Variants in PCNX1 observed in about 807,000 individuals in gnomAD.
PCNX1 encodes the protein pecanex 1.
PCNX1 carries 78 observed loss-of-function variants against 242.2 expected under a neutral mutation model. That is an observed-to-expected ratio of 0.32 (90% CI 0.27 to 0.39). The LOEUF is 0.39. PCNX1 is among the 10% of genes least tolerant of loss of function. PCNX1 has a pLI of 1.00. For synonymous variants in PCNX1, 1,024 were observed against 1,032.9 expected, an observed-to-expected ratio of 0.99 and a Z score of 0.17; for missense variants, 2,581 against 2,856.5, an observed-to-expected ratio of 0.90 and a Z score of 2.20.
chr14:71,031,679 G>A (rs558717640), intron 16 of PCNX1: 25 of 747,252 alleles, frequency 3.3e-5, no homozygotes, highest in Admixed American at 1.9e-5. Flanking sequence ...TCCTGCTCAC[G>A]TCTGTACATG....
intron 13 of PCNX1, among the ~76,000 whole-genome samples, chr14:71,025,848 G>A (rs1409570573): frequency 2.0e-5 from 3 of 152,086 alleles, no homozygotes; most frequent in African/African-American, 2.4e-5. Flanking sequence ...CAGTCTGGGC[G>A]ACAGAGTGAG....
At chr14:71,107,171 A>C (rs997580784) in intron 33 of PCNX1, among the ~76,000 whole-genome samples, 3 of 152,022 alleles carry the variant, frequency 2.0e-5, no homozygotes, top group Admixed American at 1.3e-4. Context: ...CCTCTCCCCA[A>C]CTGCCCCCCT....
chr14:71,070,981 A>G (rs2061572957), intron 26 of PCNX1, among the ~76,000 whole-genome samples: 1 of 152,182 alleles, frequency 6.6e-6, no homozygotes, highest in African/African-American at 2.4e-5. Flanking sequence ...TCTTAGCTAG[A>G]TCTTCTGGAT....
chr14:71,106,082 C>T (rs764821377), intron 33 of PCNX1, among the ~76,000 whole-genome samples: 1 of 151,872 alleles, frequency 6.6e-6, no homozygotes, highest in African/African-American at 2.4e-5. Context: ...GGTGCCATCT[C>T]GGCTCACTGC....
chr14:71,106,806 T>A (rs1279161924), intron 33 of PCNX1, among the ~76,000 whole-genome samples: 1 of 152,216 alleles, frequency 6.6e-6, no homozygotes, highest in African/African-American at 2.4e-5. Context: ...TATCTTTTTC[T>A]TACTGATTTG....
intron 1 of PCNX1, among the ~76,000 whole-genome samples, chr14:70,910,953 G>A (rs1049153505): frequency 6.6e-6 from 1 of 152,162 alleles, no homozygotes; most frequent in Non-Finnish European, 1.5e-5. Context: ...ATAGTCAGGG[G>A]ATGAACCCTA....
In PCNX1 at chr14:71,112,292, G is replaced by A. The variant is rs970074195; in HGVS notation, c.*2357G>A. Reference sequence around the variant, plus strand: ...CTGAAAAGTCAGATTTCAAATGCAAGACTAGACTTTATATGGAACATATAT... The same window carrying A: ...CTGAAAAGTCAGATTTCAAATGCAAAACTAGACTTTATATGGAACATATAT... On this transcript the variant is annotated 3_prime_UTR_variant, in exon 36 of 36. Coordinates refer to ENST00000304743, the MANE Select transcript of PCNX1 (RefSeq NM_014982.3). The A allele has an allele frequency of 1.3e-5, 2 of 151,984 alleles. No individual in the cohort carries two copies. The highest frequency in any genetic ancestry group is 2.9e-5 in the Non-Finnish European group (2 of 67,920). 9.4% of individuals were successfully genotyped at this position (151,984 alleles called of 1,614,324 possible).
Position 71,098,509 on chromosome 14 carries a change from CGTGTGTGTGT to C in PCNX1, c.5590-3445_5590-3436del, listed in dbSNP as rs3221474. Among the ~76,000 whole-genome samples the C allele has an allele frequency of 6.6e-4, 85 of 128,684 alleles. 1 individual carries two copies. The highest frequency in any genetic ancestry group is 1.6e-3 in the South Asian group (6 of 3,646). 84.4% of individuals were successfully genotyped at this position (128,684 alleles called of 152,430 possible). On this transcript the variant is annotated intron_variant, in intron 30 of 35. Transcript: ENST00000304743. ...TTTGGCCTCCTTGGTTAGATGTATT[CGTGTGTGTGT>C]GTGTGTGTGTGTGTGTGTGTGTGTG...
At chr14:71,049,084 T>C (rs1368544035) in intron 22 of PCNX1, 7 of 909,804 alleles carry the variant, frequency 7.7e-6, no homozygotes, top group Non-Finnish European at 9.2e-6. Flanking sequence ...AATATTTAGA[T>C]TGAAAATTGT....
chr14:71,070,174 C>T (rs975468149), intron 26 of PCNX1, among the ~76,000 whole-genome samples: 2 of 152,206 alleles, frequency 1.3e-5, no homozygotes, highest in Non-Finnish European at 2.9e-5. Context: ...AGCAATTCTG[C>T]CACATCCTTC....
chr14:71,109,262 A>G (rs921353329), intron 34 of PCNX1, among the ~76,000 whole-genome samples, 190 bp from the exon 35 acceptor site: 2 of 152,206 alleles, frequency 1.3e-5, no homozygotes, highest in African/African-American at 4.8e-5. Flanking sequence ...CCACTGTCTC[A>G]TGGACATTGC....
At chr14:71,011,578 A>T in intron 10 of PCNX1, 29 bp downstream of exon 10, 1 of 1,242,734 alleles carries the variant, frequency 8.0e-7, no homozygotes, top group Non-Finnish European at 1.2e-6. Flanking sequence ...TTACAACATG[A>T]TAAATTTTCA....
chr14:71,013,314 T>C, intron 11 of PCNX1, 112 bp downstream of exon 11: 1 of 866,774 alleles, frequency 1.2e-6, no homozygotes, highest in Non-Finnish European at 2.0e-6. Context: ...AAATGTTTTC[T>C]GGTTTTGTCC....
chr14:71,099,882 A>G (rs1010523533), intron 30 of PCNX1, among the ~76,000 whole-genome samples: 3 of 152,192 alleles, frequency 2.0e-5, no homozygotes, highest in Admixed American at 6.5e-5. Context: ...TGATATAGGA[A>G]TAGTGACCCC....
intron 30 of PCNX1, among the ~76,000 whole-genome samples, chr14:71,101,061 C>G (rs1476993564): frequency 2.6e-5 from 4 of 152,148 alleles, no homozygotes; most frequent in Non-Finnish European, 5.9e-5. Flanking sequence ...TCTCAACCCC[C>G]CAGCTAACAG....
rs375121531 is a variant in PCNX1 at position 70,925,945 on chromosome 14, C to T, written c.153+17942C>T. Among the ~76,000 whole-genome samples, 7 of 152,014 alleles carry T rather than the reference C, an allele frequency of 4.6e-5. No homozygotes were observed. The East Asian group carries it at 7.8e-4, about 17-fold the overall frequency. On this transcript the variant is annotated intron_variant, in intron 1 of 35. Coordinates refer to ENST00000304743, the MANE Select transcript of PCNX1 (RefSeq NM_014982.3). The stretch of plus-strand genomic sequence containing the variant: ...AAGATGCTTCTTTCTGATTAGTCTG[C>T]GTTTGAAAGCCTACCTGTGATTGAT...
At chr14:70,958,380 C>T (rs763517135) in intron 2 of PCNX1, among the ~76,000 whole-genome samples, 1 of 152,088 alleles carries the variant, frequency 6.6e-6, no homozygotes, top group Admixed American at 6.6e-5. Flanking sequence ...ATGTTAAATA[C>T]TTAAATGGAA....
intron 2 of PCNX1, among the ~76,000 whole-genome samples, chr14:70,952,716 T>C (rs2057836458): frequency 6.6e-6 from 1 of 151,954 alleles, no homozygotes; most frequent in South Asian, 2.1e-4. Context: ...CATTCTTCTA[T>C]TTATAGCCAT....
At chr14:71,060,563 A>G (rs1298894656) in intron 26 of PCNX1, 2 of 152,192 alleles carry the variant, frequency 1.3e-5, no homozygotes, top group Non-Finnish European at 2.9e-5. Flanking sequence ...AAGAGGCCAC[A>G]TCGAGTAGAT....
Sources: gnomAD v4.1 joint callset for allele counts (sites outside exome capture counted in the v4.1 genomes callset) on GRCh38, gnomAD v4.1.1 for gene constraint, MANE v1.5 for transcripts, NCBI Gene and HGNC (gene_info 2026-07-23, HGNC 2026-07-21) for gene names.